The following PDIA5 variants were observed in gnomAD, a reference collection of about 807,000 sequenced individuals.
The protein encoded by PDIA5 is protein disulfide-isomerase A5.
PDIA5 carries 58 observed loss-of-function variants against 77.6 expected under a neutral mutation model. The observed-to-expected ratio is 0.75, with a 90% CI of 0.61 to 0.93. The LOEUF (loss-of-function observed/expected upper bound fraction) is 0.93. Among genes scored for constraint, PDIA5 ranks in the 40% least tolerant of loss-of-function variants. PDIA5 has a pLI of 0.00. For synonymous variants in PDIA5, 250 were observed against 252.1 expected (o/e 0.99, Z 0.08); for missense variants, 630 against 647.7 (o/e 0.97, Z 0.30).
intron 11 of PDIA5, among the ~76,000 whole-genome samples, chr3:123,140,637 G>A (rs1178862767): frequency 6.6e-6 from 1 of 152,036 alleles, no homozygotes; most frequent in Non-Finnish European, 1.5e-5. Context: ...GGTGGCAGGT[G>A]GTGATGGCCC....
chr3:123,102,647 A>G (rs1934632267), intron 4 of PDIA5, 104 bp from the exon 5 acceptor site: 1 of 1,137,722 alleles, frequency 8.8e-7, no homozygotes, highest in Non-Finnish European at 1.3e-6. Flanking sequence ...AAAATCCTGA[A>G]CTCCGTTCAA....
chr3:123,117,455 G>A (rs1474275074), intron 8 of PDIA5, among the ~76,000 whole-genome samples: 1 of 145,598 alleles, frequency 6.9e-6, no homozygotes, highest in Admixed American at 7.0e-5. Flanking sequence ...GAGCTCCTGA[G>A]CTCAACCGAT....
intron 1 of PDIA5, among the ~76,000 whole-genome samples, chr3:123,084,860 G>A (rs1157448334): frequency 2.0e-5 from 3 of 152,096 alleles, no homozygotes; most frequent in Non-Finnish European, 2.9e-5. Flanking sequence ...CTCCACCTCC[G>A]GCCTCCCTGG....
chr3:123,160,590 T>C (rs1224152356), intron 15 of PDIA5, among the ~76,000 whole-genome samples: 1 of 152,190 alleles, frequency 6.6e-6, no homozygotes, highest in Non-Finnish European at 1.5e-5. Flanking sequence ...CACATCATGT[T>C]GGAATTGTCC....
At chr3:123,145,677 C>G in intron 12 of PDIA5, 85 bp downstream of exon 12, 1 of 1,157,652 alleles carries the variant, frequency 8.6e-7, no homozygotes. Flanking sequence ...CCTGCAAGCC[C>G]TGCTGCAGCT....
intron 1 of PDIA5, among the ~76,000 whole-genome samples, chr3:123,078,726 T>C (rs1359006235): frequency 1.3e-5 from 2 of 152,228 alleles, no homozygotes; most frequent in African/African-American, 4.8e-5. Flanking sequence ...CTGCATTTAA[T>C]TGTCCTTCTT....
rs113934855 is a variant in PDIA5, at chr3:123,102,898, T to C, written c.387+102T>C. On this transcript the variant is annotated intron_variant, in intron 5 of 16. Transcript: ENST00000316218. ...GAAAAGAAAGGGCAGATTGCACAAA[T>C]AGCTCTTCTAAATGACCTGAGAGAT... The C allele has an allele frequency of 4.1e-4, 314 of 758,856 alleles. 1 individual carries two copies. The African/African-American group carries it at 4.7e-3, about 11-fold the overall frequency. 47.0% of individuals were successfully genotyped at this position (758,856 alleles called of 1,614,324 possible).
intron 3 of PDIA5, among the ~76,000 whole-genome samples, chr3:123,101,160 A>T (rs768858785): frequency 6.6e-6 from 1 of 152,214 alleles, no homozygotes; most frequent in African/African-American, 2.4e-5. Context: ...GGAGAAGAAC[A>T]TGAGCCAGTG....
chr3:123,139,840 G>A (rs1202211218), intron 11 of PDIA5, among the ~76,000 whole-genome samples: 2 of 152,176 alleles, frequency 1.3e-5, no homozygotes, highest in African/African-American at 2.4e-5. Flanking sequence ...GAGCAGCGTG[G>A]TCAGTATCAG....
intron 11 of PDIA5, among the ~76,000 whole-genome samples, chr3:123,138,645 AT>A (rs1346344213): frequency 6.6e-6 from 1 of 152,238 alleles, no homozygotes; most frequent in Non-Finnish European, 1.5e-5. Context: ...GAATAGAGGC[AT>A]CTGTGAGTGT....
chr3:123,143,595 C>T (rs966486951), intron 11 of PDIA5, among the ~76,000 whole-genome samples: 2 of 152,136 alleles, frequency 1.3e-5, no homozygotes, highest in African/African-American at 2.4e-5. Flanking sequence ...GACCATGGTC[C>T]TCTCTGTCAT....
intron 3 of PDIA5, among the ~76,000 whole-genome samples, chr3:123,100,838 C>A (rs968928160): frequency 2.0e-5 from 3 of 152,208 alleles, no homozygotes; most frequent in African/African-American, 7.2e-5. Flanking sequence ...CTGTGTGAAG[C>A]TGATGGCTGT....
intron 1 of PDIA5, among the ~76,000 whole-genome samples, chr3:123,070,043 T>C (rs1031337727): frequency 6.8e-5 from 10 of 147,816 alleles, no homozygotes; most frequent in Admixed American, 4.1e-4. Flanking sequence ...TGGGCTGAGA[T>C]CGCGCCACTG....
rs548918958 is a variant in PDIA5, at chr3:123,075,049, T to G, written c.42+7843T>G. 3.3e-5 allele frequency among the ~76,000 whole-genome samples: 5 copies of G among 152,332 alleles called. No homozygotes were observed. The East Asian group carries it at 9.6e-4, about 29-fold the overall frequency. On this transcript the variant is annotated intron_variant, in intron 1 of 16. Transcript: ENST00000316218. The stretch of plus-strand genomic sequence containing the variant: ...TGGTAAAGAAGAGAAGCACAAAGAT[T>G]ATTGCCCTGAAGGACATTAACCTGT...
chr3:123,085,055 C>A (rs917925486), intron 1 of PDIA5, among the ~76,000 whole-genome samples: 1 of 152,214 alleles, frequency 6.6e-6, no homozygotes, highest in Non-Finnish European at 1.5e-5. Flanking sequence ...AGCCCAGACA[C>A]CCCCTGAGCT....
chr3:123,140,255 T>G (rs1664864332), intron 11 of PDIA5, among the ~76,000 whole-genome samples: 1 of 152,050 alleles, frequency 6.6e-6, no homozygotes, highest in Admixed American at 6.5e-5. Context: ...GAGTTGAGGT[T>G]GAAGGTAGGC....
chr3:123,068,846 AAGTACT>A (rs1255834485), intron 1 of PDIA5, among the ~76,000 whole-genome samples: 1 of 152,118 alleles, frequency 6.6e-6, no homozygotes, highest in African/African-American at 2.4e-5. Context: ...CTGTGACCTT[AAGTACT>A]AGTATCCTTC....
intron 11 of PDIA5, among the ~76,000 whole-genome samples, chr3:123,135,235 G>T (rs1257038913): frequency 6.6e-6 from 1 of 152,218 alleles, no homozygotes; most frequent in Non-Finnish European, 1.5e-5. Flanking sequence ...GGAAGGACAA[G>T]CTGCTGTGGC....
chr3:123,106,609 G>A, intron 5 of PDIA5, 140 bp from the exon 6 acceptor site: 1 of 663,432 alleles, frequency 1.5e-6, no homozygotes, highest in East Asian at 2.8e-5. Context: ...CACCCTCCAA[G>A]CTTATGCCAC....
Sources: gnomAD v4.1 joint callset for allele counts (sites outside exome capture counted in the v4.1 genomes callset) on GRCh38, gnomAD v4.1.1 for gene constraint, MANE v1.5 for transcripts, NCBI Gene and HGNC (gene_info 2026-07-23, HGNC 2026-07-21) for gene names.